The following BRAT1 variants were observed in gnomAD, a reference collection of about 807,000 sequenced individuals.
BRAT1 encodes the protein integrator complex assembly factor BRAT1.
BRAT1 carries 74 observed loss-of-function variants against 70.6 expected under a neutral mutation model. The ratio of observed to expected loss-of-function variants is 1.05; its 90% CI spans 0.87 to 1.27. The LOEUF (loss-of-function observed/expected upper bound fraction) is 1.27. Among genes scored for constraint, BRAT1 ranks in the 50% most tolerant of loss-of-function variants. BRAT1 has a pLI of 0.00. For synonymous variants in BRAT1, 615 were observed against 517.1 expected, an observed-to-expected ratio of 1.19 and a Z score of -2.57; for missense variants, 1,203 against 1,098.2, an observed-to-expected ratio of 1.10 and a Z score of -1.35.
chr7:2,550,013 A>G (rs540979598), intron 2 of BRAT1, among the ~76,000 whole-genome samples: 76 of 151,814 alleles, frequency 5.0e-4, no homozygotes, highest in African/African-American at 1.6e-3. Context: ...AATACAAAAA[A>G]TTAGCTGGGT....
intron 4 of BRAT1, 148 bp downstream of exon 4, chr7:2,544,761 C>T: frequency 7.7e-7 from 1 of 1,293,320 alleles, no homozygotes; most frequent in South Asian, 1.6e-5. Flanking sequence ...AACCAGAGAA[C>T]ACTGGACAGC....
intron 3 of BRAT1, among the ~76,000 whole-genome samples, chr7:2,545,257 A>G (rs1779515458): frequency 6.6e-6 from 1 of 150,538 alleles, no homozygotes; most frequent in African/African-American, 2.4e-5. Flanking sequence ...CCAGCTACTA[A>G]GAAGGCTGAG....
intron 2 of BRAT1, among the ~76,000 whole-genome samples, chr7:2,548,985 C>G (rs1027708742): frequency 3.9e-5 from 6 of 151,990 alleles, no homozygotes; most frequent in Non-Finnish European, 7.4e-5. Context: ...AACAAACAAA[C>G]AAAAAACAAT....
In BRAT1 at chr7:2,541,464, C is replaced by T. The variant is rs759774879; in HGVS notation, c.1155G>A (p.Trp385Ter). 6.4e-7 allele frequency: 1 copy of T among 1,554,086 alleles called. No individual in the cohort carries two copies. Among genetic ancestry groups the T allele is most frequent in the Admixed American group, 2.0e-5 (1 of 50,648 alleles). The change falls in exon 9 of 14, where the codon TGG becomes TGA. Residue 385 changes from tryptophan (W) to a stop codon, truncating the protein, a stop_gained. Transcript: ENST00000340611. LOFTEE classifies it high-confidence loss of function. ...LQPLPQRPSP[W>*]PQASLLGATV... ...TAGCCCCCAGTAGAGACGCCTGGGGCCACGGTGAAGGGCGCTGGGGCTGCG... is the reference window on the plus strand; with the variant it reads ...TAGCCCCCAGTAGAGACGCCTGGGGTCACGGTGAAGGGCGCTGGGGCTGCG...
At chr7:2,551,971 T>G (rs1370410280) in intron 2 of BRAT1, among the ~76,000 whole-genome samples, 19 of 146,424 alleles carry the variant, frequency 1.3e-4, no homozygotes, top group African/African-American at 4.8e-4. Flanking sequence ...GAAAAAAAAA[T>G]TATAATGAAA....
At chr7:2,554,121 G>C (rs1478801130) in intron 2 of BRAT1, among the ~76,000 whole-genome samples, 184 bp downstream of exon 2, 2 of 152,080 alleles carry the variant, frequency 1.3e-5, no homozygotes, top group Admixed American at 6.5e-5. Context: ...CATTCTCTCG[G>C]GCTTCATCTT....
chr7:2,547,104 C>A (rs1562586082), intron 3 of BRAT1, among the ~76,000 whole-genome samples: 1 of 152,150 alleles, frequency 6.6e-6, no homozygotes, highest in Non-Finnish European at 1.5e-5. Flanking sequence ...CATCTTATTC[C>A]AAAAAACCTC....
At chr7:2,548,856 T>C (rs1413668578) in intron 2 of BRAT1, among the ~76,000 whole-genome samples, 3 of 151,464 alleles carry the variant, frequency 2.0e-5, no homozygotes, top group East Asian at 2.0e-4. Context: ...TCCCAGCTAT[T>C]TGGGAGGCTG....
Position 2,554,353 on chromosome 7 carries a change from T to C in BRAT1, c.79A>G (p.Thr27Ala), listed in dbSNP as rs762449028. 4.3e-6 allele frequency: 7 copies of C among 1,614,004 alleles called. No homozygotes were observed. The highest frequency in any genetic ancestry group is 5.9e-6 in the Non-Finnish European group (7 of 1,179,918). The change falls in exon 2 of 14, where the codon ACC becomes GCC. Residue 27 changes from threonine to alanine, a missense_variant. Transcript: ENST00000340611. ...CAGTCCAGGAGCTTCTCCAAACAGG[T>C]GTCATCTGCCACCGGCTGCCTGGGA... ...VDPRQPVADD[T>A]CLEKLLDWFK...
At chr7:2,554,571 G>C (rs1780271700) in intron 1 of BRAT1, 124 bp from the exon 2 acceptor site, 1 of 1,179,044 alleles carries the variant, frequency 8.5e-7, no homozygotes, top group Non-Finnish European at 1.2e-6. Context: ...TCTCAGACCA[G>C]GAGAACCATG....
At position 2,541,370 on chromosome 7, in the gene BRAT1, C is replaced by A; in HGVS notation, c.1249G>T (p.Gly417Trp). Reference sequence around the variant, plus strand: ...ACCCGGACGCAGCCCGCCAGGGTCCCACAGAGGTGGCCCCCCACACTGGAG... The same window carrying A: ...ACCCGGACGCAGCCCGCCAGGGTCCAACAGAGGTGGCCCCCCACACTGGAG... Reference protein sequence around the residue: ...PASSVGGHLCGTLAGCVRVQR... With the variant: ...PASSVGGHLCWTLAGCVRVQR... The change falls in exon 9 of 14, where the codon GGG becomes TGG. Residue 417 changes from glycine to tryptophan, a missense_variant. Physicochemically the swap from Gly to Trp is radical, Grantham distance 184. Transcript: ENST00000340611. 6.2e-7 allele frequency: 1 copy of A among 1,607,892 alleles called. No homozygotes were observed. The highest frequency in any genetic ancestry group is 1.7e-5 in the Admixed American group (1 of 59,844).
intron 2 of BRAT1, among the ~76,000 whole-genome samples, chr7:2,552,596 GAATA>G (rs1780120320): frequency 6.6e-6 from 1 of 151,060 alleles, no homozygotes. Context: ...AAAATAAAAA[GAATA>G]AAAGAACACG....
In BRAT1 at chr7:2,538,603, T is replaced by G. The variant is rs4719552; in HGVS notation, c.1932A>C (p.Arg644=). ...FVATVLQAAS[R]DLDWEVRAQG... ...GGGCGCGGACCTCCCAGTCCAGGTC[T>G]CGGCTCGCCGCCTGCAGCACAGTGG... Residue 644 remains arginine, a synonymous_variant, in exon 14 of 14, where the codon CGA becomes CGC. Transcript: ENST00000340611. The G allele has an allele frequency of 9.4e-6, 15 of 1,597,074 alleles. No individual in the cohort carries two copies. In the East Asian group the frequency reaches 3.4e-4, roughly 36 times the overall value.
intron 6 of BRAT1, chr7:2,542,818 T>C (rs6972204): frequency 0.15 from 25,929 of 173,482 alleles, 2,163 homozygotes; most frequent in African/African-American, 0.22. Flanking sequence ...GGCTCTGCCG[T>C]TGCACCGCCC....
At chr7:2,540,497 C>G (rs1159832981) in intron 10 of BRAT1, 1 of 158,628 alleles carries the variant, frequency 6.3e-6, no homozygotes, top group Non-Finnish European at 1.4e-5. Flanking sequence ...AAAACATGAC[C>G]AATTACGCAG....
In BRAT1 at chr7:2,542,224, G is replaced by A. The variant is rs73287544; in HGVS notation, c.924-13C>T. 1.8e-3 allele frequency: 2,741 copies of A among 1,551,614 alleles called. 31 individuals are homozygous for A. In the African/African-American group the frequency reaches 0.031, roughly 18 times the overall value. ...CAGTGCCTGTGGACTGGAGACAAAC[G>A]CGAGGTGAGTGCCGCGACCCTGGCT... On this transcript the variant is annotated splice_polypyrimidine_tract_variant and intron_variant, in intron 6 of 13. Transcript: ENST00000340611.
intron 2 of BRAT1, among the ~76,000 whole-genome samples, chr7:2,549,465 G>T (rs1475078385): frequency 6.6e-6 from 1 of 151,836 alleles, no homozygotes; most frequent in Non-Finnish European, 1.5e-5. Flanking sequence ...ACAAGAACTT[G>T]TCTAAAAAGA....
rs766864373 is a variant in BRAT1, at chr7:2,543,905, G to A, written c.488C>T (p.Ala163Val). The change falls in exon 5 of 14, where the codon GCG becomes GTG. Residue 163 changes from alanine to valine, a missense_variant. By Grantham distance (64) the Ala-to-Val change is moderately conservative. Transcript: ENST00000340611. This position sits in a 1 kb window ranked among gnomAD's most constrained non-coding sequence, Gnocchi z 5.5. ...QGDSSLFVAS[A>V]ASQLLVHVLA... is the part of the protein sequence containing the mutation. ...GACGTGCACCAGGAGCTGACTGGCC[G>A]CCGAGGCCACAAACAGGCTGGAGTC... 8.1e-6 allele frequency: 13 copies of A among 1,606,876 alleles called. No homozygotes were observed. Among genetic ancestry groups the A allele is most frequent in the Admixed American group, 1.7e-5 (1 of 59,650 alleles).
rs201855243 is a variant in BRAT1 at position 2,540,979 on chromosome 7, C to T, written c.1395G>A (p.Thr465=). ...ECLESPGSSP[T]VLKKAFQATL... is the part of the protein sequence containing the mutation. Reference sequence around the variant, plus strand: ...TCGCTCTCTATCCCCACCACCGTACCGTGGGGCTGGAGCCGGGGCTCTCGA... The same window carrying T: ...TCGCTCTCTATCCCCACCACCGTACTGTGGGGCTGGAGCCGGGGCTCTCGA... The change falls in exon 10 of 14, where the codon ACG becomes ACA. Residue 465 remains threonine (T), a splice_region_variant and synonymous_variant. Coordinates refer to ENST00000340611, the MANE Select transcript of BRAT1 (RefSeq NM_152743.4). 2.4e-5 allele frequency: 37 copies of T among 1,547,760 alleles called. No homozygotes were observed. The highest frequency in any genetic ancestry group is 2.8e-5 in the Non-Finnish European group (32 of 1,159,052).
Sources: gnomAD v4.1 joint callset for allele counts (sites outside exome capture counted in the v4.1 genomes callset) on GRCh38, gnomAD v4.1.1 for gene constraint, Gnocchi (gnomAD v3.1) non-coding constraint, MANE v1.5 for transcripts, NCBI Gene and HGNC (gene_info 2026-07-23, HGNC 2026-07-21) for gene names.